Variants in ATG7 observed in about 807,000 individuals in gnomAD.
ATG7 encodes autophagy related 7.
Under a neutral mutation model 82.4 loss-of-function variants are expected in ATG7, and 70 were observed. That is an observed-to-expected ratio of 0.85 (90% CI 0.70 to 1.04). The LOEUF is 1.04. Among genes scored for constraint, ATG7 ranks in the 50% least tolerant of loss-of-function variants. ATG7 has a pLI of 0.00. For synonymous variants in ATG7, 287 were observed against 313.0 expected, an observed-to-expected ratio of 0.92 and a Z score of 0.88; for missense variants, 792 against 864.3, an observed-to-expected ratio of 0.92 and a Z score of 1.05.
At chr3:11,521,041 A>G (rs1209484371) in intron 20 of ATG7, among the ~76,000 whole-genome samples, 1 of 152,176 alleles carries the variant, frequency 6.6e-6, no homozygotes, top group Non-Finnish European at 1.5e-5. Flanking sequence ...ACAGCTGTAG[A>G]CCATTGGGTT....
At chr3:11,277,571 T>G (rs2152626157) in intron 1 of ATG7, among the ~76,000 whole-genome samples, 1 of 152,302 alleles carries the variant, frequency 6.6e-6, no homozygotes, top group South Asian at 2.1e-4. Context: ...CAGCAGGTTT[T>G]TATTAAGGAC....
rs114931756 is a variant in ATG7 at position 11,338,703 on chromosome 3, C to T, written c.890-1942C>T. Among the ~76,000 whole-genome samples, 342 of 152,192 alleles carry T rather than the reference C, an allele frequency of 2.2e-3. 3 individuals carry two copies. Among genetic ancestry groups the T allele is most frequent in the African/African-American group, 8.1e-3 (336 of 41,554 alleles). On this transcript the variant is annotated intron_variant, in intron 11 of 20. Transcript: ENST00000693202. ...AATTTTTCATGGCATTAAAAAATAC[C>T]ACATCAGAGTGCCCGATTTAAAAGG... is the stretch of plus-strand genomic sequence containing the variant.
chr3:11,484,893 A>G (rs1414101797), intron 20 of ATG7, among the ~76,000 whole-genome samples: 2 of 152,146 alleles, frequency 1.3e-5, no homozygotes, highest in Non-Finnish European at 2.9e-5. Flanking sequence ...TTATGGCTGC[A>G]TAGTATTCCA....
chr3:11,283,846 C>T (rs769364595), intron 3 of ATG7, among the ~76,000 whole-genome samples: 4 of 152,102 alleles, frequency 2.6e-5, no homozygotes, highest in African/African-American at 7.2e-5. Context: ...GCAGGAGAAT[C>T]GCTTGAACCC....
the ATG7 span, chr3:11,565,099 T>C: frequency 2.3e-6 from 3 of 1,303,890 alleles, no homozygotes; most frequent in Non-Finnish European, 3.0e-6. The surrounding 1 kb of genome is among the most constrained non-coding windows in gnomAD (Gnocchi z 4.1). Flanking sequence ...GCACTCCGTG[T>C]TGCTTATTTA....
intron 20 of ATG7, among the ~76,000 whole-genome samples, chr3:11,476,713 C>A (rs902394451): frequency 1.2e-4 from 19 of 152,160 alleles, no homozygotes; most frequent in Non-Finnish European, 2.5e-4. Flanking sequence ...AAATGAAAAT[C>A]AGATGTTTTT....
At position 11,466,586 on chromosome 3, in the gene ATG7, G is replaced by A. The variant is rs62245901; in HGVS notation, c.2079+39660G>A. On this transcript the variant is annotated intron_variant, in intron 20 of 20. Coordinates refer to ENST00000693202, the MANE Select transcript of ATG7 (RefSeq NM_001349232.2). The stretch of plus-strand genomic sequence containing the variant: ...ACAGGCACGAGGCCTAGACTACAGC[G>A]TCGGTGCTTATAAGTTCCATTATTT... Among the ~76,000 whole-genome samples the A allele has an allele frequency of 7.2e-5, 11 of 152,336 alleles. No individual in the cohort carries two copies. In the East Asian group the frequency reaches 1.4e-3, roughly 19 times the overall value.
intron 19 of ATG7, among the ~76,000 whole-genome samples, chr3:11,416,389 A>C (rs2081374759): frequency 6.6e-6 from 1 of 152,120 alleles, no homozygotes; most frequent in Non-Finnish European, 1.5e-5. Context: ...ATTTTATAGA[A>C]ATAGGCCTGT....
chr3:11,343,567 C>G (rs1306328592), intron 13 of ATG7, among the ~76,000 whole-genome samples: 1 of 151,718 alleles, frequency 6.6e-6, no homozygotes, highest in Non-Finnish European at 1.5e-5. Context: ...AAGTTTTTTT[C>G]AGCTTTATGT....
chr3:11,551,079 G>A (rs562208683), intron 20 of ATG7, among the ~76,000 whole-genome samples: 1 of 152,284 alleles, frequency 6.6e-6, no homozygotes, highest in South Asian at 2.1e-4. Flanking sequence ...AATGAGCCGA[G>A]ATGGCACTCC....
downstream of ATG7, among the ~76,000 whole-genome samples, chr3:11,561,523 G>A (rs935003654): frequency 3.3e-5 from 5 of 152,170 alleles, no homozygotes; most frequent in Admixed American, 6.5e-5. Context: ...GCCCTCGTGG[G>A]ACTGGCTCCA....
chr3:11,539,731 C>T lies in ATG7; in HGVS notation c.2080-15080C>T, dbSNP rs149799059. ...CTCTTATGAATTTAAAAAATAAAAT[C>T]TATTGATGCGCATACAATCAAATAT... On this transcript the variant is annotated intron_variant, in intron 20 of 20. Coordinates refer to ENST00000693202, the MANE Select transcript of ATG7 (RefSeq NM_001349232.2). 3.9e-5 allele frequency among the ~76,000 whole-genome samples: 6 copies of T among 152,352 alleles called. 1 individual carries two copies. In the Middle Eastern group the frequency reaches 0.01, roughly 259 times the overall value.
chr3:11,383,227 G>A (rs1158250770), intron 19 of ATG7, among the ~76,000 whole-genome samples: 2 of 152,014 alleles, frequency 1.3e-5, no homozygotes, highest in East Asian at 3.9e-4. Context: ...TCGTGTCTCT[G>A]GCTCCCTTCA....
intron 18 of ATG7, 81 bp from the exon 19 acceptor site, chr3:11,379,890 TG>T: frequency 2.2e-6 from 3 of 1,368,716 alleles, no homozygotes; most frequent in Non-Finnish European, 3.1e-6. Flanking sequence ...ATTTCCTACT[TG>T]TTGTCAGAAA....
intron 20 of ATG7, among the ~76,000 whole-genome samples, chr3:11,535,284 G>A (rs560288845): frequency 1.3e-5 from 2 of 152,310 alleles, no homozygotes; most frequent in African/African-American, 4.8e-5. Context: ...CATCTGAGGT[G>A]TCCTTTACCT....
rs930169535 is a variant in ATG7 at position 11,352,149 on chromosome 3, G to A, written c.1284+4114G>A. Among the ~76,000 whole-genome samples, 4 of 152,080 alleles carry A rather than the reference G, an allele frequency of 2.6e-5. No individual in the cohort carries two copies. The South Asian group carries it at 8.3e-4, about 32-fold the overall frequency. On this transcript the variant is annotated intron_variant, in intron 14 of 20. Transcript: ENST00000693202. ...AATTTGCTCAGAATGATGATTTCCA[G>A]CTTCATCCATGTCCCTACAAAGGAC...
intron 19 of ATG7, among the ~76,000 whole-genome samples, chr3:11,388,370 G>C (rs541177509): frequency 6.6e-6 from 1 of 152,078 alleles, no homozygotes; most frequent in Admixed American, 6.5e-5. Context: ...TCTGCTAGCA[G>C]GGTGCATTGA....
rs1948966435 is a variant in ATG7 at position 11,313,452 on chromosome 3, T to C, written c.528+32T>C. ...ACAAATAACCAAAATGCACATAAAA[T>C]TGGGTTGAATGTGCAAGAGTAGTTA... On this transcript the variant is annotated intron_variant, in intron 8 of 20. Coordinates refer to ENST00000693202, the MANE Select transcript of ATG7 (RefSeq NM_001349232.2). The C allele has an allele frequency of 2.7e-6, 4 of 1,506,264 alleles. No homozygotes were observed. The African/African-American group carries it at 4.2e-5, about 16-fold the overall frequency. The allele number at this position is 1,506,264 out of a possible 1,614,324, so 93.3% of individuals were successfully genotyped here.
intron 19 of ATG7, among the ~76,000 whole-genome samples, chr3:11,396,412 C>G (rs1311939955): frequency 6.6e-6 from 1 of 152,032 alleles, no homozygotes; most frequent in African/African-American, 2.4e-5. Flanking sequence ...GTACCCCAGC[C>G]TGAGCAACAG....
Sources: gnomAD v4.1 joint callset for allele counts (sites outside exome capture counted in the v4.1 genomes callset) on GRCh38, gnomAD v4.1.1 for gene constraint, Gnocchi (gnomAD v3.1) non-coding constraint, MANE v1.5 for transcripts, NCBI Gene and HGNC (gene_info 2026-07-23, HGNC 2026-07-21) for gene names.